KCNIP4: variants seen among roughly 807,000 people sequenced by gnomAD.
KCNIP4 encodes the protein Kv channel-interacting protein 4.
In KCNIP4, 12 loss-of-function variants were observed where a neutral mutation model predicts 34.0. The observed-to-expected ratio is 0.35, with a 90% CI of 0.23 to 0.57. The LOEUF is 0.57. Among genes scored for constraint, KCNIP4 ranks in the 20% least tolerant of loss-of-function variants. KCNIP4 has a pLI of 0.83. For synonymous variants in KCNIP4, 124 were observed against 102.2 expected (o/e 1.21, Z -1.29); for missense variants, 238 against 311.7 (o/e 0.76, Z 1.78).
intron 1 of KCNIP4, among the ~76,000 whole-genome samples, chr4:20,921,524 C>G (rs1360589515): frequency 6.6e-6 from 1 of 152,098 alleles, no homozygotes; most frequent in Non-Finnish European, 1.5e-5. Context: ...TTTATTATGT[C>G]ATGTTACTTT....
chr4:20,995,798 C>A (rs1008254827), intron 1 of KCNIP4, among the ~76,000 whole-genome samples: 6 of 152,158 alleles, frequency 3.9e-5, no homozygotes, highest in Non-Finnish European at 5.9e-5. Flanking sequence ...AATGTTGACA[C>A]CGGTTATGTA....
In KCNIP4 at chr4:20,767,266, T is replaced by A. The variant is rs187925640; in HGVS notation, c.289-8376A>T. ...TAGTGTTATAAGTTGAATCACTCTA[T>A]CTAATATCATCAGAATTTACCCTAA... On this transcript the variant is annotated intron_variant, in intron 3 of 8. Coordinates refer to ENST00000382152, the MANE Select transcript of KCNIP4 (RefSeq NM_025221.6). 11 of 151,638 alleles carry A rather than the reference T, an allele frequency of 7.3e-5. No individual in the cohort carries two copies. The East Asian group carries it at 2.0e-3, about 27-fold the overall frequency. The allele number at this position is 151,638 out of a possible 1,614,324, so 9.4% of individuals were successfully genotyped here. A position where few individuals can be genotyped will look rare whatever the true frequency, so the allele number is the denominator to read the frequency against.
At chr4:21,671,742 T>A (rs1019581189) in intron 1 of KCNIP4, among the ~76,000 whole-genome samples, 7 of 152,282 alleles carry the variant, frequency 4.6e-5, no homozygotes, top group African/African-American at 9.6e-5. Context: ...CCGAAACCTA[T>A]GCTGAAGTGC....
chr4:21,321,902 A>G (rs1398544174), intron 1 of KCNIP4, among the ~76,000 whole-genome samples: 2 of 137,570 alleles, frequency 1.5e-5, no homozygotes, highest in East Asian at 5.0e-4. Context: ...GGAGGAAGGG[A>G]CAGAGGGAAG....
chr4:21,339,666 G>A (rs989337739), intron 1 of KCNIP4, among the ~76,000 whole-genome samples: 5 of 152,150 alleles, frequency 3.3e-5, no homozygotes, highest in Admixed American at 3.3e-4. Context: ...AAGAAGCAAG[G>A]ATGGAAGCTT....
At chr4:20,938,199 GT>G (rs10715961) in intron 1 of KCNIP4, among the ~76,000 whole-genome samples, 51,894 of 142,516 alleles carry the variant, frequency 0.36, 9,964 homozygotes, top group East Asian at 0.5. Flanking sequence ...AATTTTGCTA[GT>G]TTTTTTTTTT....
chr4:21,251,370 G>C (rs938761301), intron 1 of KCNIP4, among the ~76,000 whole-genome samples: 16 of 151,828 alleles, frequency 1.1e-4, no homozygotes, highest in East Asian at 3.9e-4. Context: ...TTACTTTAAC[G>C]GATAAAACAA....
At chr4:21,535,966 T>A (rs2108988080) in intron 1 of KCNIP4, among the ~76,000 whole-genome samples, 1 of 152,240 alleles carries the variant, frequency 6.6e-6, no homozygotes, top group Non-Finnish European at 1.5e-5. Context: ...ATATCTCACC[T>A]TCTATCTCCC....
intron 1 of KCNIP4, among the ~76,000 whole-genome samples, chr4:21,581,793 C>T (rs897797302): frequency 6.6e-6 from 1 of 151,932 alleles, no homozygotes; most frequent in Admixed American, 6.6e-5. Flanking sequence ...AACATTTGGT[C>T]AAACTCATGT....
intron 1 of KCNIP4, among the ~76,000 whole-genome samples, chr4:21,766,250 G>T (rs1718410245): frequency 6.6e-6 from 1 of 152,156 alleles, no homozygotes; most frequent in African/African-American, 2.4e-5. Flanking sequence ...TTTTCCATAA[G>T]AAGGTAGCAC....
intron 2 of KCNIP4, among the ~76,000 whole-genome samples, chr4:20,864,210 G>A (rs145118728): frequency 6.7e-4 from 96 of 143,792 alleles, no homozygotes; most frequent in African/African-American, 2.0e-3. Context: ...GTACACACAT[G>A]CATGTATATA....
Position 21,747,844 on chromosome 4 carries a change from CT to C in KCNIP4, c.61+200726del, listed in dbSNP as rs575041420. Among the ~76,000 whole-genome samples, 314 of 152,130 alleles carry C rather than the reference CT, an allele frequency of 2.1e-3. 1 individual carries two copies. The highest frequency in any genetic ancestry group is 7.2e-3 in the African/African-American group (299 of 41,510). ...TAACTAAGGTAAAGATCAAGGTGAA[CT>C]CATACTGGATTAGGGTAGGCTCTAA... On this transcript the variant is annotated intron_variant, in intron 1 of 8. Coordinates refer to ENST00000382152, the MANE Select transcript of KCNIP4 (RefSeq NM_025221.6).
chr4:21,003,313 A>G (rs1370355132), intron 1 of KCNIP4, among the ~76,000 whole-genome samples: 1 of 152,200 alleles, frequency 6.6e-6, no homozygotes, highest in African/African-American at 2.4e-5. Context: ...AAACAAAACA[A>G]AACAACACAA....
chr4:21,325,951 T>C (rs1403828910), intron 1 of KCNIP4, among the ~76,000 whole-genome samples: 2 of 151,932 alleles, frequency 1.3e-5, no homozygotes, highest in Non-Finnish European at 2.9e-5. Flanking sequence ...TCTATTGTGG[T>C]CAAAGATGAT....
At chr4:21,902,546 C>A (rs1388011499) in intron 1 of KCNIP4, among the ~76,000 whole-genome samples, 3 of 151,698 alleles carry the variant, frequency 2.0e-5, no homozygotes, top group Non-Finnish European at 4.4e-5. Flanking sequence ...AATCCCAGGG[C>A]AAAAAGGTGC....
intron 1 of KCNIP4, among the ~76,000 whole-genome samples, chr4:21,471,481 A>G (rs187865535): frequency 6.6e-6 from 1 of 152,300 alleles, no homozygotes; most frequent in Admixed American, 6.5e-5. Flanking sequence ...TCTGTATTTC[A>G]GTTCTAGAAA....
At chr4:21,480,239 T>C (rs1731312549) in intron 1 of KCNIP4, among the ~76,000 whole-genome samples, 1 of 152,034 alleles carries the variant, frequency 6.6e-6, no homozygotes, top group South Asian at 2.1e-4. Flanking sequence ...CCTTACATTA[T>C]TGAACAAACA....
chr4:20,961,095 A>G (rs1733807036), intron 1 of KCNIP4, among the ~76,000 whole-genome samples: 1 of 152,198 alleles, frequency 6.6e-6, no homozygotes, highest in Admixed American at 6.5e-5. Flanking sequence ...TTAAATATGA[A>G]TTTCTTGGAC....
At chr4:21,547,003 C>A (rs751994462) in intron 1 of KCNIP4, among the ~76,000 whole-genome samples, 4 of 152,234 alleles carry the variant, frequency 2.6e-5, no homozygotes, top group African/African-American at 9.6e-5. Context: ...CTTTCTACCA[C>A]GGAAAAAAAT....
Sources: allele counts gnomAD v4.1 joint callset (sites outside exome capture counted in the v4.1 genomes callset), GRCh38; gene constraint gnomAD v4.1.1; transcripts MANE v1.5; gene names NCBI Gene and HGNC (gene_info 2026-07-23, HGNC 2026-07-21).